Variants in ARIH1 observed in about 807,000 individuals in gnomAD.
ARIH1 encodes the protein ariadne RBR E3 ubiquitin protein ligase 1.
A neutral mutation model predicts 85.0 loss-of-function variants in ARIH1; 8 were observed. The ratio of observed to expected loss-of-function variants is 0.09; its 90% CI spans 0.06 to 0.17. ARIH1 has a LOEUF of 0.17. Among genes scored for constraint, ARIH1 ranks in the 10% least tolerant of loss-of-function variants. The probability of loss-of-function intolerance (pLI) is 1.00; values close to 1 mark genes in which losing one functional copy is unlikely to be tolerated. For synonymous variants in ARIH1, 238 were observed against 253.6 expected (o/e 0.94, Z 0.59); for missense variants, 311 against 718.1 (o/e 0.43, Z 6.48).
Position 72,474,358 on chromosome 15 carries a change from G to T in ARIH1, c.-282G>T. On this transcript the variant is annotated 5_prime_UTR_variant, in exon 1 of 14. Coordinates refer to ENST00000379887, the MANE Select transcript of ARIH1 (RefSeq NM_005744.5). Reference sequence around the variant, plus strand: ...AGCGATAGCAGCGGCCGTGGAGGTGGCGTTGGGGACTGTTTTCTCTCGGAG... The same window carrying T: ...AGCGATAGCAGCGGCCGTGGAGGTGTCGTTGGGGACTGTTTTCTCTCGGAG... 2 of 433,326 alleles carry T rather than the reference G, an allele frequency of 4.6e-6. No homozygotes were observed. Among genetic ancestry groups the T allele is most frequent in the South Asian group, 2.5e-5 (1 of 39,228 alleles). 26.8% of individuals were successfully genotyped at this position (433,326 alleles called of 1,614,324 possible). A position where few individuals can be genotyped will look rare whatever the true frequency, so the allele number is the denominator to read the frequency against.
chr15:72,509,066 C>G (rs572584223), intron 1 of ARIH1, among the ~76,000 whole-genome samples: 1 of 151,272 alleles, frequency 6.6e-6, no homozygotes, highest in Non-Finnish European at 1.5e-5. Context: ...TCTCAGCTCA[C>G]TGCAACCTCC....
intron 1 of ARIH1, among the ~76,000 whole-genome samples, chr15:72,501,893 T>G (rs1235952503): frequency 6.6e-6 from 1 of 152,108 alleles, no homozygotes; most frequent in Admixed American, 6.6e-5. Flanking sequence ...TCAATAGGGC[T>G]TTTTTGCCCC....
intron 3 of ARIH1, among the ~76,000 whole-genome samples, chr15:72,546,726 C>A (rs538831780): frequency 7.9e-5 from 12 of 151,228 alleles, no homozygotes; most frequent in African/African-American, 2.9e-4. Flanking sequence ...CGGGGTTTCA[C>A]CTGTGTGTGT....
Position 72,598,963 on chromosome 15 carries a change from G to A in ARIH1, c.*15671G>A, listed in dbSNP as rs1567366816. On this transcript the variant is annotated 3_prime_UTR_variant, in exon 14 of 14. Coordinates refer to ENST00000379887, the MANE Select transcript of ARIH1 (RefSeq NM_005744.5). ...GGTTTTCCAAAGTGCTGGGATTAAA[G>A]GCATGAGCCACCATGCCTGGTTAGG... The A allele has an allele frequency of 6.6e-6, 1 of 150,962 alleles. No homozygotes were observed. The highest frequency in any genetic ancestry group is 1.5e-5 in the Non-Finnish European group (1 of 67,840). 9.4% of individuals were successfully genotyped at this position (150,962 alleles called of 1,614,324 possible). A position where few individuals can be genotyped will look rare whatever the true frequency, so the allele number is the denominator to read the frequency against.
intron 1 of ARIH1, among the ~76,000 whole-genome samples, chr15:72,492,532 AG>A (rs1430593752): frequency 6.6e-6 from 1 of 152,218 alleles, no homozygotes; most frequent in Non-Finnish European, 1.5e-5. Context: ...CCTCTTATGA[AG>A]GGGAAAACTT....
At chr15:72,515,322 G>GTGGAA (rs2063970302) in intron 1 of ARIH1, among the ~76,000 whole-genome samples, 1 of 152,166 alleles carries the variant, frequency 6.6e-6, no homozygotes, top group South Asian at 2.1e-4. Flanking sequence ...GTCAGCAAGA[G>GTGGAA]TGGAACTACG....
At chr15:72,518,479 C>T (rs2063984775) in intron 2 of ARIH1, among the ~76,000 whole-genome samples, 1 of 152,108 alleles carries the variant, frequency 6.6e-6, no homozygotes, top group Non-Finnish European at 1.5e-5. Flanking sequence ...TAAGATCCTC[C>T]TTTAATTACT....
chr15:72,557,855 A>G (rs2064181544), intron 5 of ARIH1, among the ~76,000 whole-genome samples: 1 of 152,132 alleles, frequency 6.6e-6, no homozygotes, highest in Non-Finnish European at 1.5e-5. Flanking sequence ...CTTGAATGTT[A>G]TTGGTATATA....
chr15:72,563,385 G>A lies in ARIH1; in HGVS notation c.805-9G>A. 1.2e-6 allele frequency: 2 copies of A among 1,610,418 alleles called. No homozygotes were observed. Among genetic ancestry groups the A allele is most frequent in the Non-Finnish European group, 8.5e-7 (1 of 1,176,734 alleles). ...GCTGTCATTTTTTATTTTCTAACTTGTATTTCAGTGCAATCGACTGTTAAA... is the reference window on the plus strand; with the variant it reads ...GCTGTCATTTTTTATTTTCTAACTTATATTTCAGTGCAATCGACTGTTAAA... On this transcript the variant is annotated splice_polypyrimidine_tract_variant and intron_variant, in intron 6 of 13. Transcript: ENST00000379887.
At position 72,591,219 on chromosome 15, in the gene ARIH1, C is replaced by CAAAAAAAAA. The variant is rs972468873; in HGVS notation, c.*7943_*7951dup. The CAAAAAAAAA allele has an allele frequency of 3.0e-4, 13 of 44,028 alleles. No individual in the cohort carries two copies. Among genetic ancestry groups the CAAAAAAAAA allele is most frequent in the Admixed American group, 7.0e-4 (3 of 4,260 alleles). The allele number at this position is 44,028 out of a possible 1,614,324, so 2.7% of individuals were successfully genotyped here. A position where few individuals can be genotyped will look rare whatever the true frequency, so the allele number is the denominator to read the frequency against. On this transcript the variant is annotated 3_prime_UTR_variant, in exon 14 of 14. Transcript: ENST00000379887. ...CCTGGGCGACAGAGAGACTCTGTCT[C>CAAAAAAAAA]AAAAAAAAAAAAAAAAAAAAAAAAG... is the stretch of plus-strand genomic sequence containing the variant.
intron 1 of ARIH1, among the ~76,000 whole-genome samples, chr15:72,499,881 A>T (rs1421128676): frequency 6.6e-6 from 1 of 152,086 alleles, no homozygotes; most frequent in Non-Finnish European, 1.5e-5. Context: ...ATTGTGCTGG[A>T]CTGCATCCTT....
chr15:72,499,098 A>G (rs2063892438), intron 1 of ARIH1, among the ~76,000 whole-genome samples: 1 of 147,526 alleles, frequency 6.8e-6, no homozygotes, highest in Admixed American at 6.9e-5. Context: ...CTCCCGCCTC[A>G]TCCTCCTGAG....
intron 9 of ARIH1, among the ~76,000 whole-genome samples, chr15:72,568,095 C>T (rs2064228732): frequency 6.6e-6 from 1 of 152,074 alleles, no homozygotes; most frequent in Non-Finnish European, 1.5e-5. Context: ...GTGAATCTTG[C>T]CACATAAAAC....
chr15:72,543,292 G>T (rs2077334181), intron 2 of ARIH1, among the ~76,000 whole-genome samples: 1 of 152,048 alleles, frequency 6.6e-6, no homozygotes. Context: ...GGGCGGCAAA[G>T]GTTGCAGGGA....
chr15:72,570,919 G>T (rs1444475145), intron 10 of ARIH1, among the ~76,000 whole-genome samples: 1 of 151,756 alleles, frequency 6.6e-6, no homozygotes, highest in South Asian at 2.1e-4. Context: ...ACCTGAGGTC[G>T]GGAGTTCAAG....
chr15:72,520,108 C>T (rs1179468594), intron 2 of ARIH1, among the ~76,000 whole-genome samples: 1 of 151,956 alleles, frequency 6.6e-6, no homozygotes, highest in Non-Finnish European at 1.5e-5. Flanking sequence ...TTTCTGGGAA[C>T]CTTAAACTGT....
intron 1 of ARIH1, among the ~76,000 whole-genome samples, chr15:72,500,320 C>T (rs2140401326): frequency 6.6e-6 from 1 of 152,262 alleles, no homozygotes; most frequent in Non-Finnish European, 1.5e-5. Flanking sequence ...ATGTCGATCT[C>T]TTGACCTCGT....
intron 1 of ARIH1, among the ~76,000 whole-genome samples, chr15:72,506,438 G>T (rs903552248): frequency 3.3e-5 from 5 of 150,332 alleles, no homozygotes; most frequent in South Asian, 2.1e-4. Flanking sequence ...GGATATTTTC[G>T]TGTGTTTTTC....
chr15:72,554,687 T>G (rs2064167539), intron 3 of ARIH1, among the ~76,000 whole-genome samples: 1 of 152,112 alleles, frequency 6.6e-6, no homozygotes, highest in African/African-American at 2.4e-5. Context: ...GTGCTCTGCT[T>G]TATCTGTCTT....
Sources: gnomAD v4.1 joint callset for allele counts (sites outside exome capture counted in the v4.1 genomes callset) on GRCh38, gnomAD v4.1.1 for gene constraint, MANE v1.5 for transcripts, NCBI Gene and HGNC (gene_info 2026-07-23, HGNC 2026-07-21) for gene names.